Variants in AGAP1 observed in about 807,000 individuals in gnomAD.
AGAP1 encodes the protein arf-GAP with GTPase, ANK repeat and PH domain-containing protein 1.
Under a neutral mutation model 105.3 loss-of-function variants are expected in AGAP1, and 29 were observed. That is an observed-to-expected ratio of 0.28 (90% CI 0.21 to 0.38). The LOEUF (loss-of-function observed/expected upper bound fraction) is 0.38. Ranked by LOEUF, AGAP1 falls within the 10% of genes least tolerant of loss-of-function variation. The pLI is 1.00. For missense variants in AGAP1, 998 were observed against 1,165.1 expected (o/e 0.86, Z 2.09); for synonymous variants, 509 against 485.9 (o/e 1.05, Z -0.63).
At position 236,101,475 on chromosome 2, in the gene AGAP1, C is replaced by T. The variant is rs1412216084; in HGVS notation, c.2115-18717C>T. The stretch of plus-strand genomic sequence containing the variant: ...ACTTAGCCAGCAAATCCCTGAGAAG[C>T]CACCGGCCTGAACTGGGCCCTCTGC... On this transcript the variant is annotated intron_variant, in intron 16 of 17. Transcript: ENST00000304032. This position sits in a 1 kb window ranked among gnomAD's most constrained non-coding sequence, Gnocchi z 4.9. 6.6e-6 allele frequency among the ~76,000 whole-genome samples: 1 copy of T among 152,208 alleles called. No individual in the cohort carries two copies. Among genetic ancestry groups the T allele is most frequent in the East Asian group, 1.9e-4 (1 of 5,184 alleles).
chr2:235,750,581 G>A lies in AGAP1; in HGVS notation c.673+93G>A. ...CCTGCCTGCACTTGTGCATGTGGGT[G>A]GTGGAAATATGTCGTTGATGGGTGG... On this transcript the variant is annotated intron_variant, in intron 6 of 17. Transcript: ENST00000304032. The surrounding 1 kb of genome is among the most constrained non-coding windows in gnomAD (Gnocchi z 5.3). 1 of 1,574,504 alleles carries A rather than the reference G, an allele frequency of 6.4e-7. No individual in the cohort carries two copies. Among genetic ancestry groups the A allele is most frequent in the Non-Finnish European group, 8.7e-7 (1 of 1,148,912 alleles).
At chr2:235,974,823 A>T (rs918428153) in intron 13 of AGAP1, among the ~76,000 whole-genome samples, 7 of 152,228 alleles carry the variant, frequency 4.6e-5, no homozygotes, top group Non-Finnish European at 1.0e-4. Context: ...ATATGAAGCA[A>T]CCACCACAGG....
chr2:235,807,219 A>G lies in AGAP1; in HGVS notation c.958-20A>G, dbSNP rs758143323. ...AACCACAGCCCTTACCCAGATGCCA[A>G]CTTTCCTTTTGCTTTGCAGTCTCGG... is the stretch of plus-strand genomic sequence containing the variant. On this transcript the variant is annotated intron_variant, in intron 8 of 17. Coordinates refer to ENST00000304032, the MANE Select transcript of AGAP1 (RefSeq NM_001037131.3). The G allele has an allele frequency of 3.0e-5, 48 of 1,607,774 alleles. No homozygotes were observed. The highest frequency in any genetic ancestry group is 3.3e-5 in the South Asian group (3 of 90,386).
Position 235,888,169 on chromosome 2 carries a change from A to C in AGAP1, c.1155+4720A>C, listed in dbSNP as rs1179527371. 6.6e-6 allele frequency among the ~76,000 whole-genome samples: 1 copy of C among 152,202 alleles called. No individual in the cohort carries two copies. Among genetic ancestry groups the C allele is most frequent in the African/African-American group, 2.4e-5 (1 of 41,458 alleles). The stretch of plus-strand genomic sequence containing the variant: ...AAGAGTAAACAACTGAGTCAAGTTT[A>C]AACGGAATAGGCCAATGTGGTTATG... On this transcript the variant is annotated intron_variant, in intron 10 of 17. Transcript: ENST00000304032. This position sits in a 1 kb window ranked among gnomAD's most constrained non-coding sequence, Gnocchi z 4.8.
At position 236,070,608 on chromosome 2, in the gene AGAP1, C is replaced by G. The variant is rs138539739; in HGVS notation, c.2114+21327C>G. Reference sequence around the variant, plus strand: ...TGTATCCACACAATGGAATATTGTTCAGCCACAGAAAAGACTAAAGCATTG... The same window carrying G: ...TGTATCCACACAATGGAATATTGTTGAGCCACAGAAAAGACTAAAGCATTG... On this transcript the variant is annotated intron_variant, in intron 16 of 17. Transcript: ENST00000304032. 2.2e-3 allele frequency among the ~76,000 whole-genome samples: 338 copies of G among 152,324 alleles called. 1 individual carries two copies. Among genetic ancestry groups the G allele is most frequent in the African/African-American group, 7.7e-3 (322 of 41,582 alleles).
chr2:236,076,993 C>G lies in AGAP1; in HGVS notation c.2114+27712C>G, dbSNP rs2058651280. On this transcript the variant is annotated intron_variant, in intron 16 of 17. Coordinates refer to ENST00000304032, the MANE Select transcript of AGAP1 (RefSeq NM_001037131.3). This position sits in a 1 kb window ranked among gnomAD's most constrained non-coding sequence, Gnocchi z 4.4. ...AGGCATGGTGGTGCATGTCTGTGTC[C>G]CAGCTACTCCAGAGGCTGAGGCGGG... Among the ~76,000 whole-genome samples the G allele has an allele frequency of 6.6e-6, 1 of 151,114 alleles. No homozygotes were observed. The highest frequency in any genetic ancestry group is 1.5e-5 in the Non-Finnish European group (1 of 67,776).
intron 1 of AGAP1, among the ~76,000 whole-genome samples, chr2:235,603,817 G>A (rs1392860586): frequency 1.3e-5 from 2 of 152,094 alleles, no homozygotes; most frequent in African/African-American, 4.8e-5. Context: ...AACATTTCAT[G>A]GGGAATTTGA....
rs970324094 is a variant in AGAP1 at position 235,621,455 on chromosome 2, C to G, written c.164-87724C>G. 3.3e-5 allele frequency among the ~76,000 whole-genome samples: 5 copies of G among 152,210 alleles called. No homozygotes were observed. In the South Asian group the frequency reaches 6.2e-4, roughly 19 times the overall value. ...GACACGGCCGAATGAGCCAGAGCCTCTGCTGCTGCCATTGGCGTTGGCACC... is the reference window on the plus strand; with the variant it reads ...GACACGGCCGAATGAGCCAGAGCCTGTGCTGCTGCCATTGGCGTTGGCACC... On this transcript the variant is annotated intron_variant, in intron 1 of 17. Coordinates refer to ENST00000304032, the MANE Select transcript of AGAP1 (RefSeq NM_001037131.3). The surrounding 1 kb of genome is among the most constrained non-coding windows in gnomAD (Gnocchi z 4.1).
In AGAP1 at chr2:236,120,080, C is replaced by T. The variant is rs2059863376; in HGVS notation, c.2115-112C>T. On this transcript the variant is annotated intron_variant, in intron 16 of 17. Transcript: ENST00000304032. This position sits in a 1 kb window ranked among gnomAD's most constrained non-coding sequence, Gnocchi z 6.0. ...GCTTTGTGCCGAGTGAAGACCTTTG[C>T]TTTCTGTTATTTCACTTCCCTCTCG... is the stretch of plus-strand genomic sequence containing the variant. 1 of 1,464,608 alleles carries T rather than the reference C, an allele frequency of 6.8e-7. No homozygotes were observed. Among genetic ancestry groups the T allele is most frequent in the African/African-American group, 1.4e-5 (1 of 70,764 alleles). The allele number at this position is 1,464,608 out of a possible 1,614,324, so 90.7% of individuals were successfully genotyped here.
chr2:235,941,742 C>T (rs748461498), intron 12 of AGAP1, among the ~76,000 whole-genome samples: 4 of 152,078 alleles, frequency 2.6e-5, no homozygotes, highest in Non-Finnish European at 5.9e-5. Context: ...AAGATGGACA[C>T]ATCAGTTGAT....
At chr2:235,496,274 GC>G (rs1941315571) in intron 1 of AGAP1, among the ~76,000 whole-genome samples, 2 of 152,186 alleles carry the variant, frequency 1.3e-5, no homozygotes. Flanking sequence ...TGGGGTCCTA[GC>G]CCTTTGTGTG....
intron 11 of AGAP1, among the ~76,000 whole-genome samples, chr2:235,925,557 G>A (rs945891395): frequency 2.6e-5 from 4 of 152,152 alleles, no homozygotes; most frequent in African/African-American, 9.7e-5. Context: ...TAGCCTTCCT[G>A]AACTGGCAAC....
intron 10 of AGAP1, among the ~76,000 whole-genome samples, chr2:235,899,630 A>G (rs554359226): frequency 6.6e-6 from 1 of 152,208 alleles, no homozygotes; most frequent in Non-Finnish European, 1.5e-5. Context: ...ACATTTCCTT[A>G]TAAGTCAAAA....
chr2:235,611,594 C>T lies in AGAP1; in HGVS notation c.164-97585C>T, dbSNP rs983968204. On this transcript the variant is annotated intron_variant, in intron 1 of 17. Transcript: ENST00000304032. The surrounding 1 kb of genome is among the most constrained non-coding windows in gnomAD (Gnocchi z 5.0). ...TACAGACGCTGTGTAATTAGAGAAT[C>T]CCTCTCCACATGTGTTCTCTGAACA... Among the ~76,000 whole-genome samples the T allele has an allele frequency of 2.2e-4, 33 of 152,130 alleles. No homozygotes were observed. The highest frequency in any genetic ancestry group is 6.3e-4 in the African/African-American group (26 of 41,432).
intron 13 of AGAP1, among the ~76,000 whole-genome samples, chr2:235,969,372 G>A (rs968772688): frequency 1.3e-5 from 2 of 151,976 alleles, no homozygotes; most frequent in Non-Finnish European, 2.9e-5. Flanking sequence ...TTGTAACAAA[G>A]GAATACTTAA....
In AGAP1 at chr2:236,042,937, C is replaced by T. The variant is rs138342737; in HGVS notation, c.1891+2096C>T. Among the ~76,000 whole-genome samples, 526 of 152,306 alleles carry T rather than the reference C, an allele frequency of 3.5e-3. 2 individuals carry two copies. The highest frequency in any genetic ancestry group is 0.012 in the African/African-American group (497 of 41,556). ...TTCTGCAACCCTAGTAGTTGGTGCC[C>T]CTGTGGGCCCCACTTAAAGGGGAGG... On this transcript the variant is annotated intron_variant, in intron 15 of 17. Transcript: ENST00000304032. The surrounding 1 kb of genome is among the most constrained non-coding windows in gnomAD (Gnocchi z 5.6).
intron 8 of AGAP1, among the ~76,000 whole-genome samples, chr2:235,805,363 C>G (rs1192965716): frequency 6.6e-6 from 1 of 152,082 alleles, no homozygotes; most frequent in East Asian, 1.9e-4. Flanking sequence ...TGAAATTCTG[C>G]TCTGAGAATG....
At chr2:235,651,249 G>A (rs1306951078) in intron 1 of AGAP1, among the ~76,000 whole-genome samples, 3 of 145,426 alleles carry the variant, frequency 2.1e-5, no homozygotes, top group African/African-American at 5.0e-5. Context: ...GTCACAGGCC[G>A]AGGAACCTGG....
intron 16 of AGAP1, among the ~76,000 whole-genome samples, chr2:236,086,090 CCCT>C (rs1389622914): frequency 2.6e-5 from 4 of 152,214 alleles, no homozygotes; most frequent in Admixed American, 2.0e-4. Flanking sequence ...CCCTTTTCCC[CCCT>C]CCTCCTGCTT....
Sources: allele counts gnomAD v4.1 joint callset (sites outside exome capture counted in the v4.1 genomes callset), GRCh38; gene constraint gnomAD v4.1.1; non-coding constraint Gnocchi (gnomAD v3.1); transcripts MANE v1.5; gene names NCBI Gene and HGNC (gene_info 2026-07-23, HGNC 2026-07-21).